Variants in KCNIP1 observed in about 807,000 individuals in gnomAD.
The protein encoded by KCNIP1 is A-type potassium channel modulatory protein KCNIP1.
KCNIP1 carries 18 observed loss-of-function variants against 33.0 expected under a neutral mutation model. The ratio of observed to expected loss-of-function variants is 0.55; its 90% CI spans 0.38 to 0.81. KCNIP1 has a LOEUF of 0.81. KCNIP1 is among the 30% of genes least tolerant of loss of function. The pLI is 0.00. For synonymous variants in KCNIP1, 93 were observed against 98.3 expected (o/e 0.95, Z 0.32); for missense variants, 238 against 271.6 (o/e 0.88, Z 0.87).
intron 1 of KCNIP1, among the ~76,000 whole-genome samples, chr5:170,408,153 A>G (rs1277168785): frequency 6.6e-6 from 1 of 152,238 alleles, no homozygotes; most frequent in African/African-American, 2.4e-5. Flanking sequence ...GTTATCTTGA[A>G]ATCCCACAGT....
chr5:170,354,677 C>G (rs1218219584), intron 1 of KCNIP1, among the ~76,000 whole-genome samples: 1 of 152,192 alleles, frequency 6.6e-6, no homozygotes, highest in African/African-American at 2.4e-5. Flanking sequence ...GGCTGCAGCC[C>G]CAGATGGGCC....
chr5:170,396,310 G>A (rs1005966291), intron 1 of KCNIP1, among the ~76,000 whole-genome samples: 1 of 152,200 alleles, frequency 6.6e-6, no homozygotes, highest in Non-Finnish European at 1.5e-5. Context: ...CCTCAGGGAA[G>A]GAACTGGGGA....
chr5:170,402,668 G>A (rs1176853537), intron 1 of KCNIP1, among the ~76,000 whole-genome samples: 2 of 152,184 alleles, frequency 1.3e-5, no homozygotes, highest in African/African-American at 2.4e-5. Context: ...TCCCATTGGT[G>A]AGGACTAGTC....
intron 1 of KCNIP1, among the ~76,000 whole-genome samples, chr5:170,675,315 T>A (rs1052401149): frequency 3.3e-5 from 5 of 150,644 alleles, no homozygotes; most frequent in South Asian, 2.1e-4. Context: ...TATATATATA[T>A]AAATAAATAA....
chr5:170,386,817 A>G (rs1764493192), intron 1 of KCNIP1, among the ~76,000 whole-genome samples: 1 of 152,040 alleles, frequency 6.6e-6, no homozygotes, highest in Admixed American at 6.6e-5. Context: ...GAATGGGCAC[A>G]TTCTGCTGGT....
intron 1 of KCNIP1, among the ~76,000 whole-genome samples, chr5:170,655,328 G>A (rs907220252): frequency 2.0e-5 from 3 of 152,112 alleles, no homozygotes; most frequent in East Asian, 1.9e-4. Context: ...GGTCACACTC[G>A]GCCCAGTGAG....
intron 1 of KCNIP1, among the ~76,000 whole-genome samples, chr5:170,506,602 T>C (rs1406475948): frequency 2.6e-5 from 4 of 152,178 alleles, no homozygotes; most frequent in Non-Finnish European, 5.9e-5. Flanking sequence ...TGCTTCTGTC[T>C]CCTCGGATTC....
At chr5:170,722,972 C>A (rs1763882425) in intron 5 of KCNIP1, 152 bp downstream of exon 5, 5 of 598,714 alleles carry the variant, frequency 8.4e-6, no homozygotes, top group Admixed American at 6.1e-5. Context: ...ATAAAGAAGG[C>A]CTCCCTCATT....
chr5:170,490,275 C>T (rs1019194372), intron 1 of KCNIP1, among the ~76,000 whole-genome samples: 6 of 152,204 alleles, frequency 3.9e-5, no homozygotes, highest in African/African-American at 1.4e-4. Context: ...GTTGGATAGG[C>T]CATGTCCCTG....
chr5:170,684,679 C>G (rs998413218), intron 1 of KCNIP1, among the ~76,000 whole-genome samples: 4 of 152,188 alleles, frequency 2.6e-5, no homozygotes, highest in Non-Finnish European at 4.4e-5. Flanking sequence ...GACCTCCCAC[C>G]AGCGGGAGTT....
chr5:170,589,794 T>TGTGCGGTGCAGTGCGGTGCG (rs1554102989), intron 1 of KCNIP1, among the ~76,000 whole-genome samples: 1 of 113,164 alleles, frequency 8.8e-6, no homozygotes, highest in Admixed American at 9.9e-5. Context: ...TGTGATGTGG[T>TGTGCGGTGCAGTGCGGTGCG]GTGCGGTGCG....
intron 1 of KCNIP1, among the ~76,000 whole-genome samples, chr5:170,472,770 T>C (rs193178914): frequency 6.6e-6 from 1 of 152,348 alleles, no homozygotes; most frequent in African/African-American, 2.4e-5. Context: ...CATTCCTTTT[T>C]ATAGCTGAGT....
chr5:170,688,243 C>T (rs867022881), intron 1 of KCNIP1, among the ~76,000 whole-genome samples: 20 of 152,148 alleles, frequency 1.3e-4, no homozygotes, highest in African/African-American at 4.8e-4. Context: ...GGATTCCAGA[C>T]CTCAGGCTCT....
chr5:170,477,741 C>A lies in KCNIP1; in HGVS notation c.88+123777C>A, dbSNP rs537646728. Among the ~76,000 whole-genome samples the A allele has an allele frequency of 3.3e-5, 5 of 152,178 alleles. No individual in the cohort carries two copies. In the East Asian group the frequency reaches 9.7e-4, roughly 29 times the overall value. On this transcript the variant is annotated intron_variant, in intron 1 of 7. Transcript: ENST00000377360. ...AGAGGTGTGAGTGAAAGCACCTGGC[C>A]GGGTTGGCTCTTATCTATTTACTTG...
In KCNIP1 at chr5:170,390,517, A is replaced by AATATATAT. The variant is rs1554088940; in HGVS notation, c.88+36568_88+36575dup. Among the ~76,000 whole-genome samples the AATATATAT allele has an allele frequency of 1.1e-3, 80 of 74,480 alleles. 5 individuals are homozygous for AATATATAT. Among genetic ancestry groups the AATATATAT allele is most frequent in the African/African-American group, 2.9e-3 (46 of 15,600 alleles). The allele number at this position is 74,480 out of a possible 152,430, so 48.9% of individuals were successfully genotyped here. A position where few individuals can be genotyped will look rare whatever the true frequency, so the allele number is the denominator to read the frequency against. ...GACCCCGTCTCAAAAAAAAAAAACA[A>AATATATAT]ATATATATATATATATATATATTTT... On this transcript the variant is annotated intron_variant, in intron 1 of 7. Coordinates refer to the KCNIP1 transcript ENST00000377360.
At chr5:170,582,608 T>G (rs899886704) in intron 1 of KCNIP1, among the ~76,000 whole-genome samples, 1 of 152,128 alleles carries the variant, frequency 6.6e-6, no homozygotes, top group South Asian at 2.1e-4. Context: ...CTGAGGCAGA[T>G]TTTTGGAGTC....
intron 1 of KCNIP1, among the ~76,000 whole-genome samples, chr5:170,669,204 T>C (rs1017941583): frequency 1.3e-5 from 2 of 152,244 alleles, no homozygotes; most frequent in African/African-American, 4.8e-5. Context: ...TACATTTAGA[T>C]AATTCAGATT....
Position 170,504,263 on chromosome 5 carries a change from C to A in KCNIP1, c.-310C>A. On this transcript the variant is annotated 5_prime_UTR_variant, in exon 1 of 8. Coordinates refer to ENST00000328939, the MANE Select transcript of KCNIP1 (RefSeq NM_014592.4). The surrounding 1 kb of genome is among the most constrained non-coding windows in gnomAD (Gnocchi z 6.0). ...GGCCGCTCTGGCCCCGTGTCCAGTG[C>A]CAGGCAGGCTTCAGGGCACCGTCCT... is the stretch of plus-strand genomic sequence containing the variant. 3 of 1,172,006 alleles carry A rather than the reference C, an allele frequency of 2.6e-6. No homozygotes were observed. Among genetic ancestry groups the A allele is most frequent in the Non-Finnish European group, 3.2e-6 (3 of 950,204 alleles). 72.6% of individuals were successfully genotyped at this position (1,172,006 alleles called of 1,614,324 possible).
At chr5:170,371,926 A>G (rs1023412038) in intron 1 of KCNIP1, among the ~76,000 whole-genome samples, 3 of 152,150 alleles carry the variant, frequency 2.0e-5, no homozygotes, top group Admixed American at 1.3e-4. Context: ...CTTCCCCCCT[A>G]CTGATACCAA....
Sources: allele counts gnomAD v4.1 joint callset (sites outside exome capture counted in the v4.1 genomes callset), GRCh38; gene constraint gnomAD v4.1.1; non-coding constraint Gnocchi (gnomAD v3.1); transcripts MANE v1.5; gene names NCBI Gene and HGNC (gene_info 2026-07-23, HGNC 2026-07-21).